GATAD1: variants seen among roughly 807,000 people sequenced by gnomAD.
The protein encoded by GATAD1 is GATA zinc finger domain-containing protein 1.
In GATAD1, 12 loss-of-function variants were observed where a neutral mutation model predicts 26.5. The ratio of observed to expected loss-of-function variants is 0.45; its 90% CI spans 0.29 to 0.73. The LOEUF (loss-of-function observed/expected upper bound fraction) is 0.73. Ranked by LOEUF, GATAD1 falls within the 30% of genes least tolerant of loss-of-function variation. The pLI, the probability that GATAD1 is intolerant of heterozygous loss-of-function variation, is 0.10. For synonymous variants in GATAD1, 129 were observed against 133.1 expected (o/e 0.97, Z 0.21); for missense variants, 266 against 342.1 (o/e 0.78, Z 1.75).
At chr7:92,475,544 G>A in the GATAD1 span, among the ~76,000 whole-genome samples, 32,531 of 147,182 alleles carry the variant, frequency 0.22, 3,706 homozygotes, top group Middle Eastern at 0.32. Context: ...CTTTACCAGC[G>A]TGCCCAACAT....
the GATAD1 span, chr7:92,489,535 TTCCTTATAAGATAA>T: frequency 9.2e-7 from 1 of 1,085,696 alleles, no homozygotes; most frequent in Non-Finnish European, 1.4e-6. Context: ...ATACGTTCTC[TTCCTTATAAGATAA>T]TGAAACATTG....
chr7:92,489,216 G>C, the GATAD1 span: 1 of 1,255,806 alleles, frequency 8.0e-7, no homozygotes. Context: ...TTTTAAACAC[G>C]AACTTTAAAG....
the GATAD1 span, chr7:92,493,970 T>G: frequency 1.9e-5 from 5 of 262,078 alleles, no homozygotes; most frequent in Non-Finnish European, 3.7e-5. Context: ...TGTATCAGAG[T>G]TTTTTTTTTG....
downstream of GATAD1, among the ~76,000 whole-genome samples, chr7:92,460,327 G>A (rs1789873367): frequency 6.6e-6 from 1 of 152,140 alleles, no homozygotes; most frequent in African/African-American, 2.4e-5. Context: ...TTGAAGAACT[G>A]TGCTGTTTAC....
the GATAD1 span, among the ~76,000 whole-genome samples, chr7:92,466,211 G>A: frequency 2.0e-5 from 3 of 152,054 alleles, no homozygotes; most frequent in Admixed American, 6.5e-5. Context: ...CTGTCACCCG[G>A]GCTGGAGTGC....
chr7:92,469,650 T>G, the GATAD1 span: 14 of 764,512 alleles, frequency 1.8e-5, no homozygotes, highest in East Asian at 3.2e-4. Flanking sequence ...TGGTTGTGTA[T>G]GTAGTATTGC....
At chr7:92,448,995 T>G in intron 2 of GATAD1, 118 bp downstream of exon 2, 4 of 1,190,772 alleles carry the variant, frequency 3.4e-6, no homozygotes, top group South Asian at 1.4e-5. Context: ...CTTAGTATTC[T>G]GGGGAATGGT....
At position 92,457,464 on chromosome 7, in the gene GATAD1, CAAA is replaced by C. The variant is rs1789729654; in HGVS notation, c.*903_*905del. 1.3e-5 allele frequency: 2 copies of C among 151,764 alleles called. No individual in the cohort carries two copies. The highest frequency in any genetic ancestry group is 4.8e-5 in the African/African-American group (2 of 41,264). The allele number at this position is 151,764 out of a possible 1,614,324, so 9.4% of individuals were successfully genotyped here. On this transcript the variant is annotated 3_prime_UTR_variant, in exon 5 of 5. Coordinates refer to ENST00000287957, the MANE Select transcript of GATAD1 (RefSeq NM_021167.5). ...GGGTGGACAGAGCAAGACTCCGTCT[CAAA>C]GAAACAAACAAAAAATTAAAAGGGA...
At chr7:92,453,395 G>A (rs544652753) in intron 3 of GATAD1, among the ~76,000 whole-genome samples, 1 of 152,302 alleles carries the variant, frequency 6.6e-6, no homozygotes, top group South Asian at 2.1e-4. Context: ...AAGACCCAGG[G>A]AAGAGGACAT....
the GATAD1 span, among the ~76,000 whole-genome samples, chr7:92,465,724 C>CA: frequency 6.6e-6 from 1 of 151,856 alleles, no homozygotes; most frequent in Non-Finnish European, 1.5e-5. Context: ...TACAATCTGC[C>CA]AGGCATGGTG....
At chr7:92,460,946 C>T (rs908520615), downstream of GATAD1, among the ~76,000 whole-genome samples, 2 of 152,102 alleles carry the variant, frequency 1.3e-5, no homozygotes, top group African/African-American at 4.8e-5. Flanking sequence ...CACACACACA[C>T]GTTTGTTTGC....
At chr7:92,494,051 AT>A in the GATAD1 span, 276 of 462,960 alleles carry the variant, frequency 6.0e-4, no homozygotes, top group East Asian at 1.1e-3. Context: ...GGTTTCTTGC[AT>A]TTTTTTTTCC....
chr7:92,456,032 C>T (rs1789655889), intron 4 of GATAD1, among the ~76,000 whole-genome samples: 1 of 152,162 alleles, frequency 6.6e-6, no homozygotes, highest in Non-Finnish European at 1.5e-5. Context: ...TCTCTCTTGC[C>T]TCACTTTCCT....
At chr7:92,461,118 T>C (rs1024721016), downstream of GATAD1, among the ~76,000 whole-genome samples, 11 of 152,202 alleles carry the variant, frequency 7.2e-5, no homozygotes, top group African/African-American at 2.7e-4. Flanking sequence ...ATCATGATTC[T>C]AGGAAAGAAC....
the GATAD1 span, among the ~76,000 whole-genome samples, chr7:92,489,001 T>A: frequency 2.0e-5 from 3 of 152,212 alleles, no homozygotes; most frequent in Admixed American, 2.0e-4. Context: ...CCCAAAGAGC[T>A]GGGATTACAG....
intron 2 of GATAD1, chr7:92,449,584 C>G: frequency 1.0e-6 from 1 of 979,084 alleles, no homozygotes; most frequent in South Asian, 4.7e-5. Flanking sequence ...GTTTCACTTA[C>G]CCGTAAAGAC....
the GATAD1 span, among the ~76,000 whole-genome samples, chr7:92,489,029 C>G: frequency 6.6e-6 from 1 of 152,188 alleles, no homozygotes; most frequent in Non-Finnish European, 1.5e-5. Flanking sequence ...CCACAGCACC[C>G]AGCCCAAAGT....
At chr7:92,453,856 C>A (rs1030989970) in intron 3 of GATAD1, among the ~76,000 whole-genome samples, 7 of 152,172 alleles carry the variant, frequency 4.6e-5, no homozygotes, top group Non-Finnish European at 8.8e-5. Flanking sequence ...TGCTTCATGA[C>A]TGTGGCTAAC....
intron 1 of GATAD1, 128 bp from the exon 2 acceptor site, chr7:92,448,624 G>A: frequency 1.3e-6 from 1 of 747,214 alleles, no homozygotes; most frequent in East Asian, 2.5e-5. Flanking sequence ...AAAGCAAAAG[G>A]GCAATCTTAA....
Sources: allele counts gnomAD v4.1 joint callset (sites outside exome capture counted in the v4.1 genomes callset), GRCh38; gene constraint gnomAD v4.1.1; transcripts MANE v1.5; gene names NCBI Gene and HGNC (gene_info 2026-07-23, HGNC 2026-07-21).